The following FSHR variants were observed in gnomAD, a reference collection of about 807,000 sequenced individuals.
FSHR encodes follicle stimulating hormone receptor.
FSHR carries 46 observed loss-of-function variants against 52.1 expected under a neutral mutation model. The ratio of observed to expected loss-of-function variants is 0.88; its 90% confidence interval spans 0.70 to 1.13. The LOEUF (loss-of-function observed/expected upper bound fraction) is 1.13. Ranked by LOEUF, FSHR falls within the 50% of genes most tolerant of loss-of-function variation. The pLI, the probability that FSHR is intolerant of heterozygous loss-of-function variation, is 0.00. For missense variants in FSHR, 964 were observed against 834.6 expected (o/e 1.16, Z -1.91); for synonymous variants, 399 against 309.6 (o/e 1.29, Z -3.03).
At chr2:49,141,870 T>A (rs1672701288) in intron 1 of FSHR, among the ~76,000 whole-genome samples, 1 of 152,158 alleles carries the variant, frequency 6.6e-6, no homozygotes, top group Non-Finnish European at 1.5e-5. Flanking sequence ...TAAAATCAGG[T>A]ATATAAGAGA....
chr2:49,150,089 A>G (rs991005317), intron 1 of FSHR, among the ~76,000 whole-genome samples: 2 of 152,140 alleles, frequency 1.3e-5, no homozygotes, highest in Non-Finnish European at 2.9e-5. Flanking sequence ...GGAAGAATAA[A>G]GTAAGATCAA....
chr2:49,062,203 G>A (rs72820200), intron 2 of FSHR, among the ~76,000 whole-genome samples: 8,972 of 152,006 alleles, frequency 0.059, 468 homozygotes, highest in East Asian at 0.21. Flanking sequence ...TCCAAACAAC[G>A]TGCTATGGTC....
At chr2:49,017,212 G>T (rs1441892958) in intron 4 of FSHR, among the ~76,000 whole-genome samples, 1 of 152,200 alleles carries the variant, frequency 6.6e-6, no homozygotes, top group East Asian at 1.9e-4. Context: ...ACTAAATTAT[G>T]ACTGAGTTCT....
chr2:49,069,050 C>A (rs182872208), intron 1 of FSHR, among the ~76,000 whole-genome samples: 167 of 152,202 alleles, frequency 1.1e-3, no homozygotes, highest in African/African-American at 4.0e-3. Context: ...CCGTTTTCTT[C>A]TGCTCGAAAT....
intron 2 of FSHR, among the ~76,000 whole-genome samples, chr2:49,028,340 C>T (rs1190238451): frequency 6.6e-6 from 1 of 152,182 alleles, no homozygotes; most frequent in South Asian, 2.1e-4. Context: ...CCTGCTGACT[C>T]ATATTTGTCT....
At chr2:49,144,697 A>G (rs895353396) in intron 1 of FSHR, among the ~76,000 whole-genome samples, 5 of 152,174 alleles carry the variant, frequency 3.3e-5, no homozygotes, top group Admixed American at 6.5e-5. Context: ...CAGCAATTCA[A>G]TGAAGGTTTC....
chr2:49,076,296 T>C (rs761805456), intron 1 of FSHR, among the ~76,000 whole-genome samples: 2 of 152,174 alleles, frequency 1.3e-5, no homozygotes, highest in Non-Finnish European at 1.5e-5. Flanking sequence ...CTCACAATCA[T>C]GACAGAAGGC....
At position 48,962,845 on chromosome 2, in the gene FSHR, G is replaced by T. The variant is rs1674291089; in HGVS notation, c.1976C>A (p.Ser659Ter). ...TGGATGGGTGTTGTGGACAGTGGAT[G>T]AAGTTTCTGTCCTATAAATTTGGGC... ...MQAQIYRTET[S>*]STVHNTHPRN... The change falls in exon 10 of 10, where the codon TCA (serine) becomes TAA (stop). Residue 659 changes from serine to a stop codon, truncating the protein, a stop_gained. Coordinates refer to ENST00000406846, the MANE Select transcript of FSHR (RefSeq NM_000145.4). LOFTEE classifies it high-confidence loss of function. The T allele has an allele frequency of 1.9e-6, 3 of 1,614,180 alleles. No homozygotes were observed. Among genetic ancestry groups the T allele is most frequent in the Non-Finnish European group, 1.7e-6 (2 of 1,180,016 alleles).
intron 2 of FSHR, among the ~76,000 whole-genome samples, chr2:49,066,763 G>A (rs186706883): frequency 2.6e-5 from 4 of 152,174 alleles, no homozygotes; most frequent in Admixed American, 2.6e-4. Context: ...ATTCACACTT[G>A]CTGGATTAAA....
chr2:49,040,982 CT>C (rs1668459712), intron 2 of FSHR, among the ~76,000 whole-genome samples: 1 of 152,128 alleles, frequency 6.6e-6, no homozygotes, highest in South Asian at 2.1e-4. Flanking sequence ...TAGATGGTTT[CT>C]TTCATTGTCG....
intron 4 of FSHR, among the ~76,000 whole-genome samples, chr2:49,005,356 G>C (rs746424661): frequency 1.3e-5 from 2 of 152,112 alleles, no homozygotes; most frequent in Non-Finnish European, 2.9e-5. Context: ...GAAGATGGTA[G>C]GCAAAGTTGG....
intron 1 of FSHR, among the ~76,000 whole-genome samples, chr2:49,114,211 C>G (rs1001134288): frequency 1.3e-5 from 2 of 152,164 alleles, no homozygotes; most frequent in Non-Finnish European, 2.9e-5. Flanking sequence ...GTACAATCAC[C>G]TGCACTTAGG....
chr2:49,074,254 A>G (rs1460126545), intron 1 of FSHR, among the ~76,000 whole-genome samples: 1 of 152,138 alleles, frequency 6.6e-6, no homozygotes, highest in Non-Finnish European at 1.5e-5. Flanking sequence ...AAGATAACCT[A>G]TAGAATGGAA....
At chr2:49,119,160 T>C (rs1384789378) in intron 1 of FSHR, among the ~76,000 whole-genome samples, 1 of 152,164 alleles carries the variant, frequency 6.6e-6, no homozygotes, top group Non-Finnish European at 1.5e-5. Flanking sequence ...CAGAGATCCT[T>C]TAAGAATGAA....
chr2:48,995,482 A>G (rs1675983658), intron 4 of FSHR, among the ~76,000 whole-genome samples: 1 of 152,164 alleles, frequency 6.6e-6, no homozygotes. Flanking sequence ...AGGTGGATGA[A>G]AGGATGGGAA....
At chr2:48,970,315 C>G (rs1674682630) in intron 8 of FSHR, among the ~76,000 whole-genome samples, 1 of 152,142 alleles carries the variant, frequency 6.6e-6, no homozygotes, top group South Asian at 2.1e-4. Flanking sequence ...CCTCATCTCA[C>G]AATTCAGTTG....
At chr2:49,056,527 T>C (rs1669072165) in intron 2 of FSHR, among the ~76,000 whole-genome samples, 1 of 149,608 alleles carries the variant, frequency 6.7e-6, no homozygotes, top group East Asian at 1.9e-4. Context: ...CAAATATTAT[T>C]AGACCTAAAG....
chr2:49,122,329 GA>G (rs369204389), intron 1 of FSHR, among the ~76,000 whole-genome samples: 191 of 152,326 alleles, frequency 1.3e-3, no homozygotes, highest in African/African-American at 4.5e-3. Context: ...CTAATGCATA[GA>G]GGGGGGATGG....
intron 2 of FSHR, among the ~76,000 whole-genome samples, chr2:49,038,223 T>G (rs1384791772): frequency 6.6e-6 from 1 of 152,192 alleles, no homozygotes; most frequent in Non-Finnish European, 1.5e-5. Flanking sequence ...TTAAATAATT[T>G]TCTTCAACAA....
Sources: allele counts gnomAD v4.1 joint callset (sites outside exome capture counted in the v4.1 genomes callset), GRCh38; gene constraint gnomAD v4.1.1; transcripts MANE v1.5; gene names NCBI Gene and HGNC (gene_info 2026-07-23, HGNC 2026-07-21).